The following HS3ST4 variants were observed in gnomAD, a reference collection of about 807,000 sequenced individuals.
HS3ST4 encodes heparan sulfate-glucosamine 3-sulfotransferase 4, also known as heparan sulfate glucosamine 3-O-sulfotransferase 4.
HS3ST4 carries 17 observed loss-of-function variants against 29.2 expected under a neutral mutation model. The observed-to-expected ratio is 0.58, with a 90% confidence interval of 0.40 to 0.87. The LOEUF (loss-of-function observed/expected upper bound fraction) is 0.87. Ranked by LOEUF, HS3ST4 falls within the 40% of genes least tolerant of loss-of-function variation. The probability of loss-of-function intolerance (pLI) is 0.00; values close to 1 mark genes in which losing one functional copy is unlikely to be tolerated. For synonymous variants in HS3ST4, 314 were observed against 285.7 expected, an observed-to-expected ratio of 1.10 and a Z score of -1.00; for missense variants, 627 against 634.5, an observed-to-expected ratio of 0.99 and a Z score of 0.13.
chr16:25,980,274 C>T (rs1274902125), intron 1 of HS3ST4, among the ~76,000 whole-genome samples: 1 of 152,206 alleles, frequency 6.6e-6, no homozygotes, highest in Non-Finnish European at 1.5e-5. Context: ...ACAACGTGCT[C>T]TCAGCCCTCT....
intron 1 of HS3ST4, among the ~76,000 whole-genome samples, chr16:25,880,940 C>T (rs1410958909): frequency 1.3e-5 from 2 of 152,130 alleles, no homozygotes; most frequent in Non-Finnish European, 2.9e-5. Context: ...TCCTCTAGTT[C>T]TGCCTGATAT....
intron 1 of HS3ST4, among the ~76,000 whole-genome samples, chr16:25,832,341 A>G (rs1967312827): frequency 6.6e-6 from 1 of 152,204 alleles, no homozygotes; most frequent in South Asian, 2.1e-4. Context: ...CCATGAACAC[A>G]GAGAGCCCCT....
chr16:25,861,056 C>G (rs1363889352), intron 1 of HS3ST4, among the ~76,000 whole-genome samples: 1 of 152,164 alleles, frequency 6.6e-6, no homozygotes, highest in Non-Finnish European at 1.5e-5. Context: ...GTCTTAAAAA[C>G]AAACAAATAC....
intron 1 of HS3ST4, among the ~76,000 whole-genome samples, chr16:25,889,349 C>A (rs1416400902): frequency 1.3e-5 from 2 of 152,142 alleles, no homozygotes; most frequent in Non-Finnish European, 2.9e-5. Flanking sequence ...CCCCTCCGGC[C>A]CCTAGGTCAG....
intron 1 of HS3ST4, among the ~76,000 whole-genome samples, chr16:25,912,926 A>G (rs1052741042): frequency 6.6e-6 from 1 of 152,228 alleles, no homozygotes; most frequent in Admixed American, 6.5e-5. Context: ...GAATAAAATG[A>G]CATCCTTCCC....
chr16:26,127,493 C>T (rs1382855922), intron 1 of HS3ST4, among the ~76,000 whole-genome samples: 1 of 152,220 alleles, frequency 6.6e-6, no homozygotes, highest in African/African-American at 2.4e-5. Context: ...ATTCTTTCCC[C>T]AAGTAAGAAT....
At chr16:25,908,153 A>G (rs2141676783) in intron 1 of HS3ST4, among the ~76,000 whole-genome samples, 1 of 152,344 alleles carries the variant, frequency 6.6e-6, no homozygotes, top group South Asian at 2.1e-4. Context: ...CTTGGAAAAC[A>G]GCGCAGGCTC....
intron 1 of HS3ST4, among the ~76,000 whole-genome samples, chr16:25,753,320 A>C (rs1207562228): frequency 6.6e-6 from 1 of 152,240 alleles, no homozygotes; most frequent in Non-Finnish European, 1.5e-5. Context: ...GATGGTTTGC[A>C]AAGCCCTGGG....
chr16:26,078,992 G>A (rs1019900520), intron 1 of HS3ST4, among the ~76,000 whole-genome samples: 1 of 152,172 alleles, frequency 6.6e-6, no homozygotes, highest in Non-Finnish European at 1.5e-5. Flanking sequence ...AATGAGAACG[G>A]AACAGTAGGC....
chr16:26,093,912 A>C (rs1191415447), intron 1 of HS3ST4, among the ~76,000 whole-genome samples: 2 of 152,230 alleles, frequency 1.3e-5, no homozygotes, highest in Non-Finnish European at 2.9e-5. Context: ...TGTAGAGAAG[A>C]TCTTAAATGA....
chr16:26,127,693 T>C (rs112277649), intron 1 of HS3ST4, among the ~76,000 whole-genome samples: 159 of 152,328 alleles, frequency 1.0e-3, no homozygotes, highest in African/African-American at 3.7e-3. Flanking sequence ...TTAACTTCTC[T>C]GAGCCTCAGA....
chr16:25,730,244 C>A (rs1054386151), intron 1 of HS3ST4, among the ~76,000 whole-genome samples: 18 of 152,144 alleles, frequency 1.2e-4, no homozygotes, highest in African/African-American at 4.3e-4. Flanking sequence ...ACATTTTTTT[C>A]TTCCTGTTGG....
intron 1 of HS3ST4, among the ~76,000 whole-genome samples, chr16:25,968,358 C>T (rs1223615815): frequency 6.6e-6 from 1 of 152,120 alleles, no homozygotes; most frequent in Non-Finnish European, 1.5e-5. Context: ...CGATCAGGAC[C>T]TCTGGAAACC....
chr16:26,045,257 G>T (rs1241726201), intron 1 of HS3ST4, among the ~76,000 whole-genome samples: 2 of 152,112 alleles, frequency 1.3e-5, no homozygotes, highest in African/African-American at 4.8e-5. Flanking sequence ...GAAAAAAAAT[G>T]ACCTCTACCC....
chr16:25,716,499 T>C (rs1205749134), intron 1 of HS3ST4, among the ~76,000 whole-genome samples: 1 of 152,226 alleles, frequency 6.6e-6, no homozygotes, highest in African/African-American at 2.4e-5. Flanking sequence ...AGGTGCCAGG[T>C]AGAGAAAGCC....
At chr16:26,008,928 A>G (rs554895289) in intron 1 of HS3ST4, among the ~76,000 whole-genome samples, 80 of 152,308 alleles carry the variant, frequency 5.3e-4, no homozygotes, top group African/African-American at 1.8e-3. Context: ...CACATTTGCC[A>G]TCTTAGCAGC....
intron 1 of HS3ST4, among the ~76,000 whole-genome samples, chr16:25,773,728 C>T (rs1966844967): frequency 1.3e-5 from 2 of 152,170 alleles, no homozygotes; most frequent in South Asian, 2.1e-4. Flanking sequence ...GGACTCTGGG[C>T]TTTCCATGTA....
chr16:25,983,938 A>AT (rs1969035882), intron 1 of HS3ST4, among the ~76,000 whole-genome samples: 1 of 151,472 alleles, frequency 6.6e-6, no homozygotes, highest in Non-Finnish European at 1.5e-5. Flanking sequence ...GTTTATTTTT[A>AT]TTTTTATTTC....
intron 1 of HS3ST4, among the ~76,000 whole-genome samples, chr16:26,038,178 T>A (rs1969601589): frequency 6.6e-6 from 1 of 152,190 alleles, no homozygotes; most frequent in South Asian, 2.1e-4. Context: ...CCTCTGGATC[T>A]GCCATCCCAG....
Sources: gnomAD v4.1 joint callset for allele counts (sites outside exome capture counted in the v4.1 genomes callset) on GRCh38, gnomAD v4.1.1 for gene constraint, MANE v1.5 for transcripts, NCBI Gene and HGNC (gene_info 2026-07-23, HGNC 2026-07-21) for gene names.